Variants in MAP4K4 observed in about 807,000 individuals in gnomAD.
The protein encoded by MAP4K4 is mitogen-activated protein kinase kinase kinase kinase 4.
In MAP4K4, 38 loss-of-function variants were observed where a neutral mutation model predicts 189.6. The ratio of observed to expected loss-of-function variants is 0.20; its 90% CI spans 0.15 to 0.26. The LOEUF (loss-of-function observed/expected upper bound fraction) is 0.26. Ranked by LOEUF, MAP4K4 falls within the 10% of genes least tolerant of loss-of-function variation. The pLI is 1.00. For missense variants in MAP4K4, 1,054 were observed against 1,726.9 expected, an observed-to-expected ratio of 0.61 and a Z score of 6.91; for synonymous variants, 610 against 624.3, an observed-to-expected ratio of 0.98 and a Z score of 0.34.
chr2:101,884,477 C>G lies in MAP4K4; in HGVS notation c.3521-710C>G, dbSNP rs947914283. On this transcript the variant is annotated intron_variant, in intron 28 of 32. Transcript: ENST00000324219. Reference sequence around the variant, plus strand: ...TTTAACAAGGGGAGTTATCAGTTAACAAGTTCCTGCTCATGCACAAAGAAG... The same window carrying G: ...TTTAACAAGGGGAGTTATCAGTTAAGAAGTTCCTGCTCATGCACAAAGAAG... Among the ~76,000 whole-genome samples, 13 of 152,170 alleles carry G rather than the reference C, an allele frequency of 8.5e-5. No homozygotes were observed. The East Asian group carries it at 2.5e-3, about 29-fold the overall frequency.
intron 3 of MAP4K4, among the ~76,000 whole-genome samples, chr2:101,791,974 T>C (rs956370150): frequency 1.3e-5 from 2 of 152,206 alleles, no homozygotes; most frequent in African/African-American, 4.8e-5. Flanking sequence ...ATGTAGACTA[T>C]TCTGTTGTAT....
At chr2:101,774,718 G>A (rs963312427) in intron 2 of MAP4K4, among the ~76,000 whole-genome samples, 2 of 152,158 alleles carry the variant, frequency 1.3e-5, no homozygotes, top group Non-Finnish European at 2.9e-5. Flanking sequence ...ATACAAGTCT[G>A]TATAGTTTTA....
intron 2 of MAP4K4, among the ~76,000 whole-genome samples, chr2:101,703,017 G>A (rs1465744671): frequency 6.6e-6 from 1 of 152,156 alleles, no homozygotes; most frequent in East Asian, 1.9e-4. Context: ...GAATTTCAAG[G>A]AGGTATTATT....
chr2:101,699,826 T>A (rs756240581), intron 2 of MAP4K4, among the ~76,000 whole-genome samples: 4 of 152,216 alleles, frequency 2.6e-5, no homozygotes, highest in Non-Finnish European at 5.9e-5. Flanking sequence ...GTTGGTTAAC[T>A]GTTCGGGCCG....
intron 27 of MAP4K4, among the ~76,000 whole-genome samples, chr2:101,879,985 A>G (rs1032426399): frequency 2.0e-5 from 3 of 152,072 alleles, no homozygotes; most frequent in Admixed American, 1.3e-4. Flanking sequence ...TTATGTTTGT[A>G]TATCTTCTGG....
intron 24 of MAP4K4, among the ~76,000 whole-genome samples, chr2:101,872,135 G>C (rs1207697183): frequency 6.6e-6 from 1 of 151,768 alleles, no homozygotes; most frequent in Non-Finnish European, 1.5e-5. Context: ...TCCTGTACAG[G>C]AATCTCTTTC....
At chr2:101,717,106 GATAA>G (rs1285891651) in intron 2 of MAP4K4, among the ~76,000 whole-genome samples, 4 of 152,252 alleles carry the variant, frequency 2.6e-5, no homozygotes, top group African/African-American at 4.8e-5. Context: ...ATAGCAAAAT[GATAA>G]ATAAGTCATG....
In MAP4K4 at chr2:101,889,675, A is replaced by G. The variant is rs150620207; in HGVS notation, c.4071+740A>G. The stretch of plus-strand genomic sequence containing the variant: ...TTCTTCTGCCCAGTCAGACAAAGGC[A>G]TGTCTGACTACCTAAGGCAAGACAC... On this transcript the variant is annotated intron_variant, in intron 32 of 32. Coordinates refer to ENST00000324219, the Ensembl canonical transcript of MAP4K4. 5.9e-5 allele frequency among the ~76,000 whole-genome samples: 9 copies of G among 152,290 alleles called. No homozygotes were observed. The East Asian group carries it at 1.7e-3, about 29-fold the overall frequency.
intron 6 of MAP4K4, among the ~76,000 whole-genome samples, chr2:101,830,318 C>T (rs2096557427): frequency 6.6e-6 from 1 of 152,134 alleles, no homozygotes; most frequent in Non-Finnish European, 1.5e-5. Flanking sequence ...TGATAAATTT[C>T]TGCGTGGTTA....
At chr2:101,866,266 TTA>T (rs1202943890) in intron 18 of MAP4K4, among the ~76,000 whole-genome samples, 160 bp from the exon 19 acceptor site, 2 of 152,200 alleles carry the variant, frequency 1.3e-5, no homozygotes, top group African/African-American at 2.4e-5. Context: ...AACAATGTCA[TTA>T]TATCTTTTGG....
intron 12 of MAP4K4, among the ~76,000 whole-genome samples, chr2:101,852,859 T>G (rs1257759006): frequency 6.6e-6 from 1 of 152,152 alleles, no homozygotes; most frequent in Non-Finnish European, 1.5e-5. Context: ...AAACTGAGTA[T>G]GTGGTGAAAG....
At chr2:101,740,075 G>A (rs2061941558) in intron 2 of MAP4K4, among the ~76,000 whole-genome samples, 1 of 152,108 alleles carries the variant, frequency 6.6e-6, no homozygotes, top group Admixed American at 6.5e-5. Context: ...TGAGTATCCT[G>A]GGAGGATGGA....
At chr2:101,785,870 G>T (rs2090961777) in intron 2 of MAP4K4, among the ~76,000 whole-genome samples, 1 of 151,452 alleles carries the variant, frequency 6.6e-6, no homozygotes, top group Admixed American at 6.6e-5. Context: ...TGTCGCCCAG[G>T]CTGGAGTGCA....
chr2:101,723,185 G>C (rs912001851), intron 2 of MAP4K4, among the ~76,000 whole-genome samples: 3 of 152,126 alleles, frequency 2.0e-5, no homozygotes, highest in Non-Finnish European at 4.4e-5. Context: ...ACCTCTACCT[G>C]GTCTCTTCCT....
At chr2:101,880,521 T>G (rs1390175886) in intron 27 of MAP4K4, among the ~76,000 whole-genome samples, 1 of 152,052 alleles carries the variant, frequency 6.6e-6, no homozygotes, top group Non-Finnish European at 1.5e-5. Context: ...ATTTTTTTTT[T>G]TTTTTGACAC....
intron 2 of MAP4K4, among the ~76,000 whole-genome samples, chr2:101,705,458 G>C (rs1044452529): frequency 6.6e-6 from 1 of 152,142 alleles, no homozygotes; most frequent in African/African-American, 2.4e-5. Flanking sequence ...ACTGCAATGT[G>C]TTCATTTTAA....
intron 13 of MAP4K4, among the ~76,000 whole-genome samples, chr2:101,857,275 G>C (rs1192213153): frequency 6.6e-6 from 1 of 152,062 alleles, no homozygotes; most frequent in Non-Finnish European, 1.5e-5. Flanking sequence ...GTTTTATTCT[G>C]TTTTTCCCTG....
chr2:101,745,565 G>C (rs1040699937), intron 2 of MAP4K4, among the ~76,000 whole-genome samples: 8 of 151,924 alleles, frequency 5.3e-5, no homozygotes, highest in Admixed American at 4.6e-4. Context: ...GTGTAACTCT[G>C]ATATGTCCAA....
At chr2:101,770,584 C>T (rs2080922942) in intron 2 of MAP4K4, among the ~76,000 whole-genome samples, 1 of 152,158 alleles carries the variant, frequency 6.6e-6, no homozygotes, top group African/African-American at 2.4e-5. Flanking sequence ...CTGGCCTGTT[C>T]ATTCTAATTT....
Sources: gnomAD v4.1 joint callset for allele counts (sites outside exome capture counted in the v4.1 genomes callset) on GRCh38, gnomAD v4.1.1 for gene constraint, MANE v1.5 for transcripts, NCBI Gene and HGNC (gene_info 2026-07-23, HGNC 2026-07-21) for gene names.